SLCO6A1: variants seen among roughly 807,000 people sequenced by gnomAD.
SLCO6A1 encodes solute carrier organic anion transporter family member 6A1.
A neutral mutation model predicts 72.7 loss-of-function variants in SLCO6A1; 65 were observed. That is an observed-to-expected ratio of 0.89 (90% CI 0.73 to 1.10). The LOEUF is 1.10. Among genes scored for constraint, SLCO6A1 ranks in the 50% least tolerant of loss-of-function variants. The pLI, the probability that SLCO6A1 is intolerant of heterozygous loss-of-function variation, is 0.00. For missense variants in SLCO6A1, 874 were observed against 872.6 expected (o/e 1.00, Z -0.02); for synonymous variants, 314 against 298.2 (o/e 1.05, Z -0.55).
chr5:102,471,360 T>G (rs1751601409), intron 4 of SLCO6A1, among the ~76,000 whole-genome samples: 1 of 152,050 alleles, frequency 6.6e-6, no homozygotes, highest in Admixed American at 6.6e-5. Context: ...CTATATTAAG[T>G]GAACAACCTT....
At position 102,498,886 on chromosome 5, in the gene SLCO6A1, C is replaced by A; in HGVS notation, c.-42G>T. ...CTCCTGGCGACGCGGCCCGAGTGCTCTCGGCTGCCCGTCCTGCCTGGGCCA... is the reference window on the plus strand; with the variant it reads ...CTCCTGGCGACGCGGCCCGAGTGCTATCGGCTGCCCGTCCTGCCTGGGCCA... On this transcript the variant is annotated 5_prime_UTR_variant, in exon 1 of 14. Coordinates refer to ENST00000506729, the MANE Select transcript of SLCO6A1 (RefSeq NM_173488.5). 1 of 1,547,766 alleles carries A rather than the reference C, an allele frequency of 6.5e-7. No homozygotes were observed. Among genetic ancestry groups the A allele is most frequent in the Non-Finnish European group, 8.7e-7 (1 of 1,148,338 alleles).
intron 4 of SLCO6A1, among the ~76,000 whole-genome samples, chr5:102,470,598 A>G (rs888044541): frequency 1.2e-4 from 19 of 152,020 alleles, no homozygotes; most frequent in African/African-American, 4.3e-4. Flanking sequence ...GATCTTTTCA[A>G]AAAACCAGCT....
At chr5:102,438,354 A>G (rs1580427899) in intron 7 of SLCO6A1, among the ~76,000 whole-genome samples, 1 of 152,156 alleles carries the variant, frequency 6.6e-6, no homozygotes, top group African/African-American at 2.4e-5. Flanking sequence ...CATGGGAATG[A>G]TTCACTCTGA....
At chr5:102,436,184 T>C (rs1686944136) in intron 7 of SLCO6A1, among the ~76,000 whole-genome samples, 2 of 152,226 alleles carry the variant, frequency 1.3e-5, no homozygotes, top group Admixed American at 1.3e-4. Context: ...AGCTCTGCCA[T>C]TGGCTACAAG....
chr5:102,473,571 T>C (rs553309473), intron 4 of SLCO6A1, among the ~76,000 whole-genome samples: 15 of 152,056 alleles, frequency 9.9e-5, no homozygotes, highest in African/African-American at 3.6e-4. Context: ...GTCCATAGTT[T>C]GTTCTCACCA....
chr5:102,384,009 T>C (rs887957733), intron 12 of SLCO6A1, among the ~76,000 whole-genome samples: 14 of 151,882 alleles, frequency 9.2e-5, no homozygotes, highest in Non-Finnish European at 2.1e-4. Flanking sequence ...TTTTTATTTC[T>C]GTTGCATAAC....
At chr5:102,437,865 T>C (rs1300535495) in intron 7 of SLCO6A1, among the ~76,000 whole-genome samples, 1 of 152,128 alleles carries the variant, frequency 6.6e-6, no homozygotes, top group Non-Finnish European at 1.5e-5. Context: ...CTTGACCTTT[T>C]ACACCCTAAA....
intron 6 of SLCO6A1, among the ~76,000 whole-genome samples, chr5:102,454,551 T>C (rs1561475185): frequency 6.6e-6 from 1 of 152,174 alleles, no homozygotes; most frequent in Non-Finnish European, 1.5e-5. Context: ...CTCAGATAGA[T>C]GTTAGTCAGA....
chr5:102,495,749 CA>C (rs1401541676), intron 1 of SLCO6A1, among the ~76,000 whole-genome samples: 2 of 151,320 alleles, frequency 1.3e-5, no homozygotes, highest in Non-Finnish European at 2.9e-5. Context: ...CTAAATAAAT[CA>C]GAAGGAAGGA....
At chr5:102,491,969 AG>A (rs1205052797) in intron 1 of SLCO6A1, among the ~76,000 whole-genome samples, 1 of 152,264 alleles carries the variant, frequency 6.6e-6, no homozygotes, top group Non-Finnish European at 1.5e-5. Flanking sequence ...GGCCTCAGGA[AG>A]CTTACAATCA....
Position 102,393,418 on chromosome 5 carries a change from T to C in SLCO6A1, c.1815-2373A>G, listed in dbSNP as rs1221836288. The stretch of plus-strand genomic sequence containing the variant: ...TAATATGACATGCTTACAAAGCTAC[T>C]TCTCCCTCCAGACTTTTTGCATCTG... On this transcript the variant is annotated intron_variant, in intron 10 of 13. Coordinates refer to ENST00000506729, the MANE Select transcript of SLCO6A1 (RefSeq NM_173488.5). Among the ~76,000 whole-genome samples the C allele has an allele frequency of 2.6e-5, 4 of 152,300 alleles. No individual in the cohort carries two copies. In the East Asian group the frequency reaches 7.7e-4, roughly 29 times the overall value.
chr5:102,386,175 C>T (rs574976952), intron 12 of SLCO6A1, among the ~76,000 whole-genome samples: 2 of 152,066 alleles, frequency 1.3e-5, no homozygotes, highest in African/African-American at 4.8e-5. Flanking sequence ...CATGGGTCTA[C>T]AGGAGCTGGC....
chr5:102,392,865 A>G (rs1397738103), intron 10 of SLCO6A1, among the ~76,000 whole-genome samples: 2 of 152,116 alleles, frequency 1.3e-5, no homozygotes, highest in Admixed American at 1.3e-4. Context: ...CTTTCTTATA[A>G]GACATCGGTT....
chr5:102,425,102 T>C (rs944205095), intron 7 of SLCO6A1, among the ~76,000 whole-genome samples: 1 of 152,068 alleles, frequency 6.6e-6, no homozygotes, highest in Non-Finnish European at 1.5e-5. Flanking sequence ...ATAAACTAGG[T>C]ATTGATGGAG....
chr5:102,432,940 T>G (rs754628574), intron 7 of SLCO6A1, among the ~76,000 whole-genome samples: 13 of 152,142 alleles, frequency 8.5e-5, no homozygotes, highest in Non-Finnish European at 1.6e-4. Flanking sequence ...TTTACATAAT[T>G]GCATATTTTT....
At chr5:102,490,178 AG>A (rs759474293) in intron 1 of SLCO6A1, among the ~76,000 whole-genome samples, 50 of 152,314 alleles carry the variant, frequency 3.3e-4, no homozygotes, top group Non-Finnish European at 4.9e-4. Context: ...GTTGCACAGT[AG>A]GGTGACTAGA....
intron 7 of SLCO6A1, among the ~76,000 whole-genome samples, chr5:102,427,582 A>T (rs1748962288): frequency 6.6e-6 from 1 of 152,056 alleles, no homozygotes; most frequent in African/African-American, 2.4e-5. Flanking sequence ...AAAGACTGAG[A>T]AATTGTCATA....
intron 9 of SLCO6A1, among the ~76,000 whole-genome samples, chr5:102,411,547 G>A (rs909964658): frequency 3.3e-5 from 5 of 151,852 alleles, no homozygotes; most frequent in African/African-American, 1.2e-4. Flanking sequence ...TTATAGGCAT[G>A]AGCCACTACA....
chr5:102,451,461 C>T (rs949908331), intron 6 of SLCO6A1, among the ~76,000 whole-genome samples: 2 of 152,150 alleles, frequency 1.3e-5, no homozygotes, highest in Admixed American at 6.5e-5. Context: ...AACACAGCTG[C>T]TAGCATAGGG....
Sources: gnomAD v4.1 joint callset for allele counts (sites outside exome capture counted in the v4.1 genomes callset) on GRCh38, gnomAD v4.1.1 for gene constraint, MANE v1.5 for transcripts, NCBI Gene and HGNC (gene_info 2026-07-23, HGNC 2026-07-21) for gene names.